Variants in MTX2 observed in about 807,000 individuals in gnomAD.
MTX2 encodes metaxin 2, also known as metaxin-2.
A neutral mutation model predicts 42.3 loss-of-function variants in MTX2; 35 were observed. The ratio of observed to expected loss-of-function variants is 0.83; its 90% CI spans 0.63 to 1.10. The LOEUF is 1.10. Ranked by LOEUF, MTX2 falls within the 50% of genes least tolerant of loss-of-function variation. MTX2 has a pLI of 0.00. For synonymous variants in MTX2, 119 were observed against 100.9 expected, an observed-to-expected ratio of 1.18 and a Z score of -1.08; for missense variants, 307 against 304.1, an observed-to-expected ratio of 1.01 and a Z score of -0.07.
chr2:176,333,506 ATAT>A (rs956588245), intron 9 of MTX2, among the ~76,000 whole-genome samples: 16 of 151,808 alleles, frequency 1.1e-4, no homozygotes, highest in African/African-American at 3.6e-4. Context: ...ATCAACTAAA[ATAT>A]TATTTGTACT....
At chr2:176,305,172 G>C (rs1318291657) in intron 3 of MTX2, among the ~76,000 whole-genome samples, 1 of 151,952 alleles carries the variant, frequency 6.6e-6, no homozygotes, top group African/African-American at 2.4e-5. Context: ...GAAGACAGTT[G>C]GTGCTGGTCA....
At chr2:176,279,534 AAG>A (rs1693031621) in intron 1 of MTX2, among the ~76,000 whole-genome samples, 1 of 152,266 alleles carries the variant, frequency 6.6e-6, no homozygotes, top group South Asian at 2.1e-4. Context: ...AATTTAAAAA[AAG>A]ATTATGTCTT....
chr2:176,296,586 T>TA (rs1188614003), intron 1 of MTX2, among the ~76,000 whole-genome samples: 1 of 152,160 alleles, frequency 6.6e-6, no homozygotes, highest in African/African-American at 2.4e-5. Context: ...TTGTTTTTTT[T>TA]ATTCTCATTT....
chr2:176,319,812 G>A (rs1386131150), intron 3 of MTX2, among the ~76,000 whole-genome samples: 4 of 152,016 alleles, frequency 2.6e-5, no homozygotes, highest in African/African-American at 9.7e-5. Flanking sequence ...CTGAGCTTGT[G>A]ATCCACCTGC....
At chr2:176,275,087 A>G (rs559510040) in intron 1 of MTX2, among the ~76,000 whole-genome samples, 1 of 152,222 alleles carries the variant, frequency 6.6e-6, no homozygotes, top group Non-Finnish European at 1.5e-5. Flanking sequence ...TTACGTAAAC[A>G]TATTTATGCA....
At chr2:176,303,879 C>G (rs1041480840) in intron 3 of MTX2, among the ~76,000 whole-genome samples, 1 of 152,006 alleles carries the variant, frequency 6.6e-6, no homozygotes, top group African/African-American at 2.4e-5. Flanking sequence ...AAAATTCACA[C>G]TCCTGTAGTT....
In MTX2 at chr2:176,295,272, T is replaced by G. The variant is rs1042412748; in HGVS notation, c.41-1588T>G. Among the ~76,000 whole-genome samples the G allele has an allele frequency of 3.3e-5, 5 of 152,316 alleles. 1 individual carries two copies. The East Asian group carries it at 9.6e-4, about 29-fold the overall frequency. On this transcript the variant is annotated intron_variant, in intron 1 of 9. Transcript: ENST00000249442. The stretch of plus-strand genomic sequence containing the variant: ...GAATCTTTGATGATTTAGAATTTTA[T>G]AACGAATCTCATTGTATTGTTTTTA...
intron 8 of MTX2, among the ~76,000 whole-genome samples, chr2:176,329,791 C>A: frequency 7.0e-6 from 1 of 142,086 alleles, no homozygotes. Context: ...TTTAATTGAA[C>A]AATACATTGT....
intron 9 of MTX2, among the ~76,000 whole-genome samples, chr2:176,335,314 TATGA>T (rs1442487270): frequency 6.6e-6 from 1 of 152,082 alleles, no homozygotes; most frequent in African/African-American, 2.4e-5. Context: ...GGTTGTATGC[TATGA>T]ATGGTAGGAT....
chr2:176,327,209 A>T (rs544175536), intron 5 of MTX2, among the ~76,000 whole-genome samples: 1 of 151,406 alleles, frequency 6.6e-6, no homozygotes, highest in Non-Finnish European at 1.5e-5. Flanking sequence ...CTGTGGTCAT[A>T]AATGAAAAAC....
intron 1 of MTX2, among the ~76,000 whole-genome samples, chr2:176,291,633 C>T (rs1693330094): frequency 6.6e-6 from 1 of 151,998 alleles, no homozygotes; most frequent in Non-Finnish European, 1.5e-5. Flanking sequence ...AGGCCCAGTG[C>T]AACATGAAAG....
chr2:176,330,346 A>ATATAGAAAGTATTT (rs1684830400), intron 8 of MTX2, among the ~76,000 whole-genome samples: 1 of 148,232 alleles, frequency 6.7e-6, no homozygotes, highest in Non-Finnish European at 1.5e-5. Context: ...ATATATATAT[A>ATATAGAAAGTATTT]CTTATATAGA....
chr2:176,302,551 C>T (rs1343163990), intron 3 of MTX2, among the ~76,000 whole-genome samples: 1 of 152,070 alleles, frequency 6.6e-6, no homozygotes, highest in Non-Finnish European at 1.5e-5. Flanking sequence ...ATTCTCCCAC[C>T]TCAGCCTTCT....
At chr2:176,308,582 C>T (rs1034258712) in intron 3 of MTX2, among the ~76,000 whole-genome samples, 3 of 152,148 alleles carry the variant, frequency 2.0e-5, no homozygotes, top group African/African-American at 7.2e-5. Context: ...TGTTATTGGT[C>T]TATTCAGAGA....
At chr2:176,288,418 G>T (rs578087286) in intron 1 of MTX2, among the ~76,000 whole-genome samples, 2 of 151,966 alleles carry the variant, frequency 1.3e-5, no homozygotes, top group African/African-American at 4.8e-5. Context: ...GCAGTAACTT[G>T]TCCATGTTTA....
chr2:176,319,406 A>G (rs969136937), intron 3 of MTX2, among the ~76,000 whole-genome samples: 6 of 147,790 alleles, frequency 4.1e-5, no homozygotes, highest in African/African-American at 1.0e-4. Flanking sequence ...GGGTGTTTAC[A>G]TTATTGAAGA....
intron 1 of MTX2, among the ~76,000 whole-genome samples, chr2:176,290,554 CT>C (rs1046985589): frequency 1.1e-4 from 16 of 152,086 alleles, no homozygotes; most frequent in African/African-American, 3.9e-4. Flanking sequence ...AGAAGTTGTC[CT>C]TTTGGATTTT....
intron 3 of MTX2, among the ~76,000 whole-genome samples, chr2:176,314,648 TTTCTTAATTATAAGACC>T (rs1684395051): frequency 6.6e-6 from 1 of 152,142 alleles, no homozygotes; most frequent in South Asian, 2.1e-4. Context: ...TTTACCTGCT[TTTCTTAATTATAAGACC>T]TGCTTGTTTA....
chr2:176,287,328 A>G (rs1346689239), intron 1 of MTX2, among the ~76,000 whole-genome samples: 3 of 152,290 alleles, frequency 2.0e-5, no homozygotes, highest in South Asian at 4.1e-4. Context: ...ATGTATGTAT[A>G]ATTTACTATA....
Sources: gnomAD v4.1 joint callset for allele counts (sites outside exome capture counted in the v4.1 genomes callset) on GRCh38, gnomAD v4.1.1 for gene constraint, MANE v1.5 for transcripts, NCBI Gene and HGNC (gene_info 2026-07-23, HGNC 2026-07-21) for gene names.